The following AGBL1 variants were observed in gnomAD, a reference collection of about 807,000 sequenced individuals.
AGBL1 encodes the protein cytosolic carboxypeptidase 4.
A neutral mutation model predicts 118.9 loss-of-function variants in AGBL1; 130 were observed. The ratio of observed to expected loss-of-function variants is 1.09; its 90% CI spans 0.95 to 1.26. The LOEUF is 1.26. Among genes scored for constraint, AGBL1 ranks in the 50% most tolerant of loss-of-function variants. AGBL1 has a pLI of 0.00. For synonymous variants in AGBL1, 555 were observed against 478.9 expected (o/e 1.16, Z -2.08); for missense variants, 1,584 against 1,298.1 (o/e 1.22, Z -3.38).
At chr15:86,949,895 T>A (rs72755649) in intron 23 of AGBL1, among the ~76,000 whole-genome samples, 5,924 of 152,160 alleles carry the variant, frequency 0.039, 158 homozygotes, top group Middle Eastern at 0.071. Flanking sequence ...AATAATTATA[T>A]ACTGGGCCTT....
At chr15:86,214,125 G>A (rs1447640071) in intron 5 of AGBL1, among the ~76,000 whole-genome samples, 1 of 152,172 alleles carries the variant, frequency 6.6e-6, no homozygotes, top group Non-Finnish European at 1.5e-5. Context: ...CAATCAAACA[G>A]GACAGATAAC....
At chr15:87,030,652 T>C (rs1257393058), downstream of AGBL1, among the ~76,000 whole-genome samples, 1 of 152,016 alleles carries the variant, frequency 6.6e-6, no homozygotes, top group East Asian at 1.9e-4. Context: ...CACATTAAGC[T>C]TCCTTGTGCA....
chr15:86,482,681 A>G (rs554624214), intron 18 of AGBL1, among the ~76,000 whole-genome samples: 4 of 152,268 alleles, frequency 2.6e-5, no homozygotes, highest in African/African-American at 7.2e-5. Flanking sequence ...GTAGTTTTAC[A>G]TGTAACCTTG....
In AGBL1 at chr15:86,642,731, T is replaced by G. The variant is rs185489700; in HGVS notation, c.2995-31542T>G. On this transcript the variant is annotated intron_variant, in intron 21 of 22. Coordinates refer to ENST00000614907, the MANE Select transcript of AGBL1 (RefSeq NM_001386094.1). ...TCCTTTTGATTCTATTTGCTTGGTT[T>G]TTATTTAAGATTTCACATCTATGTT... Among the ~76,000 whole-genome samples, 2 of 152,144 alleles carry G rather than the reference T, an allele frequency of 1.3e-5. 1 individual carries two copies. Among genetic ancestry groups the G allele is most frequent in the Non-Finnish European group, 2.9e-5 (2 of 68,020 alleles).
At chr15:86,380,944 G>A (rs930880252) in intron 17 of AGBL1, among the ~76,000 whole-genome samples, 1 of 151,908 alleles carries the variant, frequency 6.6e-6, no homozygotes, top group Admixed American at 6.6e-5. Flanking sequence ...AAGTGTGTGT[G>A]TGTGTGTGTG....
chr15:86,093,161 C>G (rs1266593211), intron 1 of AGBL1, among the ~76,000 whole-genome samples: 4 of 152,098 alleles, frequency 2.6e-5, no homozygotes, highest in Non-Finnish European at 4.4e-5. Flanking sequence ...AAGGACTGCT[C>G]TCTAGAAGTT....
chr15:86,631,312 A>G (rs1238139275), intron 21 of AGBL1, among the ~76,000 whole-genome samples: 1 of 151,982 alleles, frequency 6.6e-6, no homozygotes, highest in Non-Finnish European at 1.5e-5. Flanking sequence ...TTGGGGAGAA[A>G]AAAAAGTCAT....
intron 19 of AGBL1, among the ~76,000 whole-genome samples, chr15:86,536,561 G>T (rs1010709711): frequency 1.3e-5 from 2 of 152,048 alleles, no homozygotes; most frequent in Admixed American, 1.3e-4. Flanking sequence ...TGCCCGCCTC[G>T]GCCTCCCAAA....
At chr15:86,521,852 G>T (rs2083193549) in intron 18 of AGBL1, among the ~76,000 whole-genome samples, 1 of 152,156 alleles carries the variant, frequency 6.6e-6, no homozygotes, top group African/African-American at 2.4e-5. Context: ...TGGAGGATTT[G>T]GGAGGAGTTG....
At chr15:86,286,543 T>C (rs981466501) in intron 16 of AGBL1, among the ~76,000 whole-genome samples, 3 of 151,928 alleles carry the variant, frequency 2.0e-5, no homozygotes, top group South Asian at 2.1e-4. Context: ...TTATATTTCA[T>C]GTATAAGTGA....
chr15:86,099,070 A>C (rs1264181129), intron 1 of AGBL1, among the ~76,000 whole-genome samples: 1 of 152,152 alleles, frequency 6.6e-6, no homozygotes, highest in Non-Finnish European at 1.5e-5. Flanking sequence ...TCTATGGCAC[A>C]CAGCAAAAGT....
At chr15:86,135,350 C>A (rs930824991) in intron 1 of AGBL1, among the ~76,000 whole-genome samples, 2 of 152,210 alleles carry the variant, frequency 1.3e-5, no homozygotes, top group Non-Finnish European at 2.9e-5. Flanking sequence ...GTGAGCCAAA[C>A]AAACTTCTTT....
chr15:86,381,407 T>A (rs1382781644), intron 17 of AGBL1, among the ~76,000 whole-genome samples: 1 of 147,828 alleles, frequency 6.8e-6, no homozygotes, highest in Non-Finnish European at 1.5e-5. Flanking sequence ...TTGGAGCTGA[T>A]ACACTTTTTT....
downstream of AGBL1, among the ~76,000 whole-genome samples, chr15:86,916,761 GGGGCCTGCAGAGAACACCAGCA>G (rs1367222086): frequency 6.6e-6 from 1 of 152,090 alleles, no homozygotes; most frequent in African/African-American, 2.4e-5. Context: ...CTGTGCTGGC[GGGGCCTGCAGAGAACACCAGCA>G]GGCCCGGGGC....
chr15:86,708,016 C>T (rs887928095), intron 22 of AGBL1, among the ~76,000 whole-genome samples: 2 of 151,690 alleles, frequency 1.3e-5, no homozygotes, highest in African/African-American at 4.8e-5. Flanking sequence ...TAACTTGTTG[C>T]CTTCTTTCAT....
intron 18 of AGBL1, among the ~76,000 whole-genome samples, chr15:86,466,465 T>C (rs1257819051): frequency 6.6e-6 from 1 of 152,138 alleles, no homozygotes; most frequent in Non-Finnish European, 1.5e-5. Context: ...AGGAGTTTGT[T>C]ATTACCCACC....
intron 19 of AGBL1, among the ~76,000 whole-genome samples, chr15:86,537,195 GT>G (rs913885485): frequency 9.8e-5 from 15 of 152,314 alleles, no homozygotes; most frequent in African/African-American, 3.6e-4. Flanking sequence ...TACCCCAAGG[GT>G]TTAGCCAGAC....
At chr15:86,958,357 T>C (rs1306378914) in intron 23 of AGBL1, among the ~76,000 whole-genome samples, 1 of 152,138 alleles carries the variant, frequency 6.6e-6, no homozygotes, top group Non-Finnish European at 1.5e-5. Flanking sequence ...AAATGCCCTC[T>C]GGAGGGTAAA....
intron 21 of AGBL1, among the ~76,000 whole-genome samples, chr15:86,602,963 C>T (rs149814703): frequency 1.6e-4 from 24 of 152,246 alleles, no homozygotes; most frequent in African/African-American, 5.5e-4. Context: ...CTCACCCTGG[C>T]TGCTGACATG....
Sources: allele counts gnomAD v4.1 joint callset (sites outside exome capture counted in the v4.1 genomes callset), GRCh38; gene constraint gnomAD v4.1.1; transcripts MANE v1.5; gene names NCBI Gene and HGNC (gene_info 2026-07-23, HGNC 2026-07-21).